ZNF385D: variants seen among roughly 807,000 people sequenced by gnomAD.
ZNF385D encodes the protein zinc finger protein 385D.
Under a neutral mutation model 35.8 loss-of-function variants are expected in ZNF385D, and 15 were observed. The ratio of observed to expected loss-of-function variants is 0.42; its 90% CI spans 0.28 to 0.64. The LOEUF is 0.64. ZNF385D is among the 30% of genes least tolerant of loss of function. ZNF385D has a pLI of 0.23. For missense variants in ZNF385D, 474 were observed against 494.6 expected (o/e 0.96, Z 0.39); for synonymous variants, 212 against 186.8 (o/e 1.13, Z -1.10).
At chr3:21,984,452 GT>G (rs1226989734) in intron 3 of ZNF385D, among the ~76,000 whole-genome samples, 1 of 132,424 alleles carries the variant, frequency 7.6e-6, no homozygotes, top group Admixed American at 7.2e-5. Flanking sequence ...TTTTTCTCAG[GT>G]TTGTCAAAGA....
At chr3:21,505,847 G>T (rs1287842641) in intron 4 of ZNF385D, among the ~76,000 whole-genome samples, 1 of 152,078 alleles carries the variant, frequency 6.6e-6, no homozygotes, top group African/African-American at 2.4e-5. Context: ...TAGTATGCAT[G>T]CATACATCCC....
chr3:22,075,176 G>C lies in ZNF385D; in HGVS notation c.325+93641C>G, dbSNP rs928922862. The stretch of plus-strand genomic sequence containing the variant: ...AAGAATTCAACGTGATACCAGAGTT[G>C]AGACCACTTATGGGTAATAGCCTTT... On this transcript the variant is annotated intron_variant, in intron 3 of 5. Transcript: ENST00000494108. Among the ~76,000 whole-genome samples, 5 of 151,980 alleles carry C rather than the reference G, an allele frequency of 3.3e-5. No individual in the cohort carries two copies. The South Asian group carries it at 8.3e-4, about 25-fold the overall frequency.
At chr3:21,679,652 A>C (rs1255031557) in intron 1 of ZNF385D, among the ~76,000 whole-genome samples, 1 of 152,078 alleles carries the variant, frequency 6.6e-6, no homozygotes, top group Non-Finnish European at 1.5e-5. Flanking sequence ...GATGGTAGGC[A>C]TAGGAAACAA....
At chr3:22,105,758 G>T (rs1304431236) in intron 3 of ZNF385D, among the ~76,000 whole-genome samples, 1 of 152,020 alleles carries the variant, frequency 6.6e-6, no homozygotes, top group African/African-American at 2.4e-5. Context: ...CATTGGGGAG[G>T]GCCATCTGCT....
chr3:22,363,503 C>T (rs998825953), intron 2 of ZNF385D, among the ~76,000 whole-genome samples: 5 of 152,146 alleles, frequency 3.3e-5, no homozygotes, highest in African/African-American at 4.8e-5. Flanking sequence ...CAAATCTTTG[C>T]TACATTAACA....
chr3:21,917,890 T>C (rs915111252), intron 3 of ZNF385D, among the ~76,000 whole-genome samples: 1 of 152,178 alleles, frequency 6.6e-6, no homozygotes, highest in Admixed American at 6.5e-5. Context: ...TTAAGCAAAA[T>C]ATATACTGCA....
intron 3 of ZNF385D, among the ~76,000 whole-genome samples, chr3:22,145,010 ATGTGTGTGTGTG>A (rs36060381): frequency 6.7e-6 from 1 of 148,930 alleles, no homozygotes; most frequent in Non-Finnish European, 1.5e-5. Context: ...GAAGATACAT[ATGTGTGTGTGTG>A]TGTGTGTGTG....
intron 3 of ZNF385D, among the ~76,000 whole-genome samples, chr3:21,797,854 G>T (rs1368175872): frequency 6.6e-6 from 1 of 152,086 alleles, no homozygotes; most frequent in African/African-American, 2.4e-5. Flanking sequence ...GGGTAGGAGT[G>T]GGGGATGCAT....
At chr3:21,592,202 C>CCAAA (rs1419698058) in intron 2 of ZNF385D, among the ~76,000 whole-genome samples, 1 of 152,090 alleles carries the variant, frequency 6.6e-6, no homozygotes, top group African/African-American at 2.4e-5. Context: ...CTTATCTAAA[C>CCAAA]CAAACACCTA....
chr3:21,660,921 C>A (rs955598248), intron 2 of ZNF385D, among the ~76,000 whole-genome samples: 2 of 152,180 alleles, frequency 1.3e-5, no homozygotes, highest in Non-Finnish European at 2.9e-5. Context: ...ATCTCAGCAC[C>A]AGGGCCACCC....
At chr3:22,199,605 G>T (rs1421009436) in intron 2 of ZNF385D, among the ~76,000 whole-genome samples, 2 of 152,122 alleles carry the variant, frequency 1.3e-5, no homozygotes, top group East Asian at 3.9e-4. Context: ...CATACGGATT[G>T]TTACTACTGG....
intron 3 of ZNF385D, among the ~76,000 whole-genome samples, chr3:21,867,139 G>C (rs539977401): frequency 6.6e-6 from 1 of 152,202 alleles, no homozygotes; most frequent in East Asian, 1.9e-4. Context: ...GGGCAAAATG[G>C]AGATAAACAC....
chr3:22,110,208 A>G (rs1702439786), intron 3 of ZNF385D, among the ~76,000 whole-genome samples: 1 of 152,102 alleles, frequency 6.6e-6, no homozygotes, highest in Non-Finnish European at 1.5e-5. Flanking sequence ...AACTAGTTCA[A>G]CCATTGTGGA....
At chr3:22,146,616 G>C (rs1004396203) in intron 3 of ZNF385D, among the ~76,000 whole-genome samples, 3 of 152,014 alleles carry the variant, frequency 2.0e-5, no homozygotes, top group African/African-American at 4.8e-5. Flanking sequence ...ATCTTTGCCT[G>C]CAAAAATAAT....
chr3:21,839,841 C>A (rs991085561), intron 3 of ZNF385D, among the ~76,000 whole-genome samples: 4 of 152,018 alleles, frequency 2.6e-5, no homozygotes, highest in Non-Finnish European at 5.9e-5. Context: ...CTGGCCAGAA[C>A]TGATCTCCAG....
intron 2 of ZNF385D, among the ~76,000 whole-genome samples, chr3:21,642,255 CAA>C (rs1440068080): frequency 2.6e-5 from 4 of 152,134 alleles, no homozygotes; most frequent in Non-Finnish European, 5.9e-5. Context: ...GCAGAACTGG[CAA>C]CCCATTTCTC....
chr3:21,590,836 A>G (rs1461415622), intron 2 of ZNF385D, among the ~76,000 whole-genome samples: 2 of 152,152 alleles, frequency 1.3e-5, no homozygotes, highest in Non-Finnish European at 2.9e-5. Context: ...AAATTAAAAT[A>G]TTAAATATGT....
chr3:21,784,357 A>G (rs2071604966), intron 3 of ZNF385D, among the ~76,000 whole-genome samples: 1 of 152,168 alleles, frequency 6.6e-6, no homozygotes, highest in African/African-American at 2.4e-5. Context: ...CAATCACTTT[A>G]ACCATCTTTT....
chr3:22,127,756 C>A (rs1039333078), intron 3 of ZNF385D, among the ~76,000 whole-genome samples: 1 of 152,060 alleles, frequency 6.6e-6, no homozygotes, highest in African/African-American at 2.4e-5. Flanking sequence ...AGAAACTAAA[C>A]AAGCAAAGGA....
Sources: allele counts gnomAD v4.1 joint callset (sites outside exome capture counted in the v4.1 genomes callset), GRCh38; gene constraint gnomAD v4.1.1; transcripts MANE v1.5; gene names NCBI Gene and HGNC (gene_info 2026-07-23, HGNC 2026-07-21).